FGD5: variants seen among roughly 807,000 people sequenced by gnomAD.
FGD5 encodes FYVE, RhoGEF and PH domain containing 5.
FGD5 carries 28 observed loss-of-function variants against 133.4 expected under a neutral mutation model. That is an observed-to-expected ratio of 0.21 (90% CI 0.16 to 0.29). The LOEUF (loss-of-function observed/expected upper bound fraction) is 0.29, where lower values mean the gene tolerates loss of function less well. FGD5 is among the 10% of genes least tolerant of loss of function. The pLI is 1.00. For synonymous variants in FGD5, 810 were observed against 776.5 expected (o/e 1.04, Z -0.72); for missense variants, 1,858 against 1,895.2 (o/e 0.98, Z 0.36).
intron 4 of FGD5, among the ~76,000 whole-genome samples, chr3:14,892,005 G>A (rs184159150): frequency 4.1e-5 from 6 of 146,862 alleles, no homozygotes; most frequent in Admixed American, 1.4e-4. Flanking sequence ...TTCTCTCCCC[G>A]TTTCCCTCTC....
At chr3:14,871,949 TA>T (rs1188926059) in intron 2 of FGD5, among the ~76,000 whole-genome samples, 1 of 152,236 alleles carries the variant, frequency 6.6e-6, no homozygotes, top group Non-Finnish European at 1.5e-5. Context: ...AACAGCACCC[TA>T]GCATCTGGGG....
intron 2 of FGD5, among the ~76,000 whole-genome samples, chr3:14,878,309 T>A (rs954905955): frequency 9.2e-5 from 14 of 152,166 alleles, no homozygotes; most frequent in African/African-American, 3.1e-4. Flanking sequence ...TTGAAATGGA[T>A]GTGATTGATT....
At chr3:14,901,768 C>A (rs963598052) in intron 9 of FGD5, among the ~76,000 whole-genome samples, 1 of 152,182 alleles carries the variant, frequency 6.6e-6, no homozygotes, top group African/African-American at 2.4e-5. Context: ...CACAGTGAGT[C>A]ATCCACAGGC....
intron 4 of FGD5, among the ~76,000 whole-genome samples, chr3:14,887,743 C>A (rs557077579): frequency 6.6e-6 from 1 of 151,996 alleles, no homozygotes; most frequent in Admixed American, 6.6e-5. Context: ...GGCATCCAGC[C>A]CAGTCTTCTT....
intron 1 of FGD5, among the ~76,000 whole-genome samples, chr3:14,850,721 A>G (rs1462999869): frequency 1.4e-5 from 2 of 142,560 alleles, no homozygotes; most frequent in Non-Finnish European, 3.0e-5. Context: ...CTGCAACGGG[A>G]GCCCCTCCTG....
chr3:14,907,312 T>C (rs1159563193), intron 9 of FGD5, among the ~76,000 whole-genome samples: 1 of 152,204 alleles, frequency 6.6e-6, no homozygotes, highest in African/African-American at 2.4e-5. Context: ...GAGGCCAGCC[T>C]TGGGTCCGAT....
intron 4 of FGD5, among the ~76,000 whole-genome samples, chr3:14,884,763 G>A (rs980873334): frequency 1.3e-5 from 2 of 152,200 alleles, no homozygotes; most frequent in Admixed American, 1.3e-4. Context: ...CACCGGAGGT[G>A]TCTTCATGTA....
intron 2 of FGD5, among the ~76,000 whole-genome samples, chr3:14,874,398 G>A (rs905184933): frequency 6.6e-6 from 1 of 152,122 alleles, no homozygotes; most frequent in East Asian, 1.9e-4. Flanking sequence ...GTGCATGCCT[G>A]TGGTCCCAGC....
intron 2 of FGD5, among the ~76,000 whole-genome samples, chr3:14,872,530 A>T (rs1012868550): frequency 3.9e-5 from 6 of 152,200 alleles, no homozygotes; most frequent in Non-Finnish European, 8.8e-5. Context: ...TTATGCTTGC[A>T]GGGGTGGACA....
chr3:14,907,739 A>G, intron 10 of FGD5, 28 bp downstream of exon 10: 2 of 1,610,070 alleles, frequency 1.2e-6, no homozygotes, highest in Non-Finnish European at 1.7e-6. Context: ...GGGTAGGGGC[A>G]GAGGGTGGCT....
At chr3:14,816,755 T>C (rs1312453284), upstream of FGD5, among the ~76,000 whole-genome samples, 1 of 152,254 alleles carries the variant, frequency 6.6e-6, no homozygotes, top group Non-Finnish European at 1.5e-5. Context: ...AGGAGTTTGA[T>C]AGTCACTATT....
At chr3:14,899,546 G>A (rs1226320112) in intron 7 of FGD5, among the ~76,000 whole-genome samples, 1 of 152,134 alleles carries the variant, frequency 6.6e-6, no homozygotes, top group Non-Finnish European at 1.5e-5. Context: ...TAGCAACTGG[G>A]GCTCCTCAAA....
At chr3:14,908,799 A>T (rs1575249808) in intron 10 of FGD5, among the ~76,000 whole-genome samples, 1 of 151,510 alleles carries the variant, frequency 6.6e-6, no homozygotes, top group African/African-American at 2.4e-5. Context: ...ATAATCGCTT[A>T]AACCCAGGAG....
chr3:14,923,903 C>A, intron 16 of FGD5, 105 bp from the exon 17 acceptor site: 1 of 1,408,520 alleles, frequency 7.1e-7, no homozygotes, highest in South Asian at 1.3e-5. Context: ...CCACTTAACC[C>A]CCATGGCTCA....
chr3:14,816,647 A>C (rs564138200), upstream of FGD5, among the ~76,000 whole-genome samples: 14 of 152,338 alleles, frequency 9.2e-5, no homozygotes, highest in East Asian at 2.5e-3. Context: ...TCTAACAGGT[A>C]GCTGAAGCAT....
At chr3:14,879,422 A>G (rs1390044733) in intron 2 of FGD5, among the ~76,000 whole-genome samples, 12 of 152,250 alleles carry the variant, frequency 7.9e-5, no homozygotes, top group Non-Finnish European at 1.8e-4. Flanking sequence ...CAGAAGGCCC[A>G]GGCATCTGTC....
chr3:14,895,135 C>T (rs891519768), intron 4 of FGD5, among the ~76,000 whole-genome samples: 7 of 152,006 alleles, frequency 4.6e-5, no homozygotes, highest in Admixed American at 1.3e-4. Context: ...ATAGGTTGTA[C>T]GTATTTTCTC....
intron 2 of FGD5, among the ~76,000 whole-genome samples, chr3:14,872,369 G>T (rs1173088326): frequency 6.6e-6 from 1 of 152,222 alleles, no homozygotes; most frequent in Non-Finnish European, 1.5e-5. Context: ...TAAATTTGGA[G>T]AAGAGACTTT....
At chr3:14,811,480 C>T (rs1203294313) in intron 1 of FGD5, 1 of 152,422 alleles carries the variant, frequency 6.6e-6, no homozygotes. Context: ...TCGCAGCGCC[C>T]TGGTCGGGGG....
Sources: allele counts gnomAD v4.1 joint callset (sites outside exome capture counted in the v4.1 genomes callset), GRCh38; gene constraint gnomAD v4.1.1; transcripts MANE v1.5; gene names NCBI Gene and HGNC (gene_info 2026-07-23, HGNC 2026-07-21).